STK3: variants seen among roughly 807,000 people sequenced by gnomAD.
STK3 encodes the protein serine/threonine kinase 3.
A neutral mutation model predicts 58.0 loss-of-function variants in STK3; 41 were observed. The ratio of observed to expected loss-of-function variants is 0.71; its 90% CI spans 0.55 to 0.92. STK3 has a LOEUF of 0.92. STK3 is among the 40% of genes least tolerant of loss of function. The pLI is 0.00. For synonymous variants in STK3, 170 were observed against 191.0 expected (o/e 0.89, Z 0.91); for missense variants, 479 against 602.7 (o/e 0.79, Z 2.15).
intron 4 of STK3, among the ~76,000 whole-genome samples, chr8:98,712,813 C>T (rs1038757309): frequency 6.6e-6 from 1 of 152,202 alleles, no homozygotes; most frequent in Non-Finnish European, 1.5e-5. Context: ...CTCTCCACCC[C>T]AAATCAACAG....
At chr8:98,466,446 T>A (rs1417232511) in intron 10 of STK3, among the ~76,000 whole-genome samples, 3 of 152,200 alleles carry the variant, frequency 2.0e-5, no homozygotes, top group African/African-American at 7.2e-5. Flanking sequence ...TTATTAAAAG[T>A]CCAGACCAAA....
At chr8:98,755,569 A>C (rs955818613) in intron 3 of STK3, among the ~76,000 whole-genome samples, 2 of 152,208 alleles carry the variant, frequency 1.3e-5, no homozygotes, top group Non-Finnish European at 2.9e-5. Flanking sequence ...TTTAACAATA[A>C]AATGTCCTTT....
intron 9 of STK3, among the ~76,000 whole-genome samples, chr8:98,537,800 C>T (rs985771474): frequency 6.6e-6 from 1 of 152,118 alleles, no homozygotes; most frequent in African/African-American, 2.4e-5. Context: ...AAGTAACTAT[C>T]ATTCATTCTC....
At chr8:98,760,495 G>A (rs1830552051) in intron 3 of STK3, among the ~76,000 whole-genome samples, 2 of 152,096 alleles carry the variant, frequency 1.3e-5, no homozygotes, top group Admixed American at 1.3e-4. Flanking sequence ...ATTTCACTGG[G>A]TGGAAGAACC....
rs1436108690 is a variant in STK3, at chr8:98,597,351, C to T, written c.685-1182G>A. ...GAGTCAATCTTTTTACCAGTATATG[C>T]ATCTTCTTTCAAAAAACGTAAATTC... On this transcript the variant is annotated intron_variant, in intron 6 of 10. Coordinates refer to ENST00000419617, the MANE Select transcript of STK3 (RefSeq NM_006281.4). The T allele has an allele frequency of 2.7e-5, 27 of 985,116 alleles. No individual in the cohort carries two copies. The Admixed American group carries it at 1.7e-3, about 61-fold the overall frequency. The allele number at this position is 985,116 out of a possible 1,614,324, so 61.0% of individuals were successfully genotyped here. A position where few individuals can be genotyped will look rare whatever the true frequency, so the allele number is the denominator to read the frequency against.
intron 1 of STK3, among the ~76,000 whole-genome samples, chr8:98,440,123 T>C (rs769318541): frequency 6.6e-6 from 1 of 151,948 alleles, no homozygotes; most frequent in South Asian, 2.1e-4. Context: ...CCCAAAGGGA[T>C]AAAGGAGTTG....
In STK3 at chr8:98,412,065, G is replaced by A. The variant is rs890929066; in HGVS notation, n.484-10552C>T. Among the ~76,000 whole-genome samples, 5 of 152,170 alleles carry A rather than the reference G, an allele frequency of 3.3e-5. No homozygotes were observed. The South Asian group carries it at 8.3e-4, about 25-fold the overall frequency. ...CAGCCACTCTTTGCCAAAAGTTGCT[G>A]ATCTATCTCCCGCAAGGATTGATCC... On this transcript the variant is annotated intron_variant and non_coding_transcript_variant, in intron 3 of 3. Transcript: ENST00000517832.
At chr8:98,410,118 G>T (rs1200534823) in intron 3 of STK3, among the ~76,000 whole-genome samples, 1 of 152,166 alleles carries the variant, frequency 6.6e-6, no homozygotes, top group East Asian at 1.9e-4. Flanking sequence ...TATCTTGGTG[G>T]TTACTGCATT....
chr8:98,426,740 C>T (rs1231172610), intron 3 of STK3, among the ~76,000 whole-genome samples: 1 of 152,294 alleles, frequency 6.6e-6, no homozygotes, highest in East Asian at 1.9e-4. Context: ...GAAAGGTCAC[C>T]GTAGGCAGCC....
chr8:98,867,719 G>A (rs572855681), intron 3 of STK3, among the ~76,000 whole-genome samples: 4 of 152,182 alleles, frequency 2.6e-5, no homozygotes, highest in East Asian at 1.9e-4. Flanking sequence ...ACCAACCTTC[G>A]GCAAGAATTT....
At chr8:98,647,026 G>A (rs1267974180) in intron 6 of STK3, among the ~76,000 whole-genome samples, 7 of 152,036 alleles carry the variant, frequency 4.6e-5, no homozygotes, top group South Asian at 2.1e-4. Context: ...CTGTCTACAA[G>A]GCACTACTGA....
intron 1 of STK3, among the ~76,000 whole-genome samples, chr8:98,887,095 T>A (rs1165116526): frequency 6.6e-6 from 1 of 151,792 alleles, no homozygotes; most frequent in Non-Finnish European, 1.5e-5. Flanking sequence ...AGACTCCACC[T>A]CAAAAAAAGA....
chr8:98,761,086 G>C (rs1023599364), intron 3 of STK3, among the ~76,000 whole-genome samples: 4 of 151,170 alleles, frequency 2.6e-5, no homozygotes, highest in African/African-American at 9.7e-5. Flanking sequence ...TAAAGAAAAT[G>C]GAATACTATT....
chr8:98,919,283 T>C (rs2132002611), intron 1 of STK3, among the ~76,000 whole-genome samples: 1 of 152,312 alleles, frequency 6.6e-6, no homozygotes, highest in Admixed American at 6.5e-5. Flanking sequence ...AAGGTCTGAC[T>C]TGAGAGAGGT....
chr8:98,595,180 T>A (rs1295994171), intron 7 of STK3: 1 of 152,208 alleles, frequency 6.6e-6, no homozygotes, highest in African/African-American at 2.4e-5. Flanking sequence ...CTGGCATCTA[T>A]GGAGATTGAG....
intron 4 of STK3, among the ~76,000 whole-genome samples, chr8:98,720,664 T>C (rs1193114090): frequency 2.1e-5 from 3 of 144,698 alleles, no homozygotes; most frequent in Admixed American, 7.3e-5. Flanking sequence ...GGCAGGAGAA[T>C]GGCATGAACC....
intron 3 of STK3, among the ~76,000 whole-genome samples, chr8:98,426,136 C>T (rs867694905): frequency 3.9e-5 from 6 of 152,212 alleles, no homozygotes; most frequent in Non-Finnish European, 1.5e-5. Flanking sequence ...CTTGAACCCC[C>T]CAGTCCCCAC....
intron 1 of STK3, among the ~76,000 whole-genome samples, chr8:98,447,955 T>TATAATAATAATAATA (rs143901845): frequency 4.9e-5 from 7 of 142,034 alleles, no homozygotes; most frequent in African/African-American, 1.0e-4. Flanking sequence ...AAACTTAAAG[T>TATAATAATAATAATA]ATAATAATAA....
At chr8:98,697,376 T>C (rs1825058052) in intron 6 of STK3, among the ~76,000 whole-genome samples, 1 of 152,240 alleles carries the variant, frequency 6.6e-6, no homozygotes, top group South Asian at 2.1e-4. Flanking sequence ...ACTCTGATTT[T>C]AGTTACTTCT....
Sources: gnomAD v4.1 joint callset for allele counts (sites outside exome capture counted in the v4.1 genomes callset) on GRCh38, gnomAD v4.1.1 for gene constraint, MANE v1.5 for transcripts, NCBI Gene and HGNC (gene_info 2026-07-23, HGNC 2026-07-21) for gene names.